MOK: variants seen among roughly 807,000 people sequenced by gnomAD.
The protein encoded by MOK is MOK protein kinase.
Under a neutral mutation model 54.2 loss-of-function variants are expected in MOK, and 59 were observed. The ratio of observed to expected loss-of-function variants is 1.09; its 90% confidence interval spans 0.88 to 1.35. The LOEUF is 1.35. Among genes scored for constraint, MOK ranks in the 40% most tolerant of loss-of-function variants. MOK has a pLI of 0.00. For missense variants in MOK, 517 were observed against 526.2 expected (o/e 0.98, Z 0.17); for synonymous variants, 210 against 202.7 (o/e 1.04, Z -0.31).
intron 1 of MOK, among the ~76,000 whole-genome samples, chr14:102,285,515 G>T (rs2153173982): frequency 6.6e-6 from 1 of 152,306 alleles, no homozygotes; most frequent in East Asian, 1.9e-4. Context: ...AGTGATAACG[G>T]TTATGTCAAA....
chr14:102,268,885 A>G (rs1322414451), intron 2 of MOK, among the ~76,000 whole-genome samples: 1 of 150,820 alleles, frequency 6.6e-6, no homozygotes, highest in Non-Finnish European at 1.5e-5. Context: ...ACTGCACTCC[A>G]GCCTGGGCGA....
downstream of MOK, chr14:102,223,114 G>A: frequency 2.3e-6 from 1 of 429,850 alleles, no homozygotes; most frequent in Non-Finnish European, 4.1e-6. Flanking sequence ...TAAAAAATAA[G>A]AAATGGAGTT....
At chr14:102,288,194 G>A (rs989819301) in intron 1 of MOK, among the ~76,000 whole-genome samples, 2 of 152,130 alleles carry the variant, frequency 1.3e-5, no homozygotes, top group African/African-American at 2.4e-5. Context: ...ATATGCCTAA[G>A]AGAAACAAAA....
At chr14:102,297,155 A>C (rs1441668408) in intron 1 of MOK, among the ~76,000 whole-genome samples, 1 of 152,154 alleles carries the variant, frequency 6.6e-6, no homozygotes, top group Non-Finnish European at 1.5e-5. Context: ...CAGGAGATCA[A>C]GACCATCCTG....
Position 102,232,545 on chromosome 14 carries a change from G to A in MOK, c.856C>T (p.Gln286Ter), listed in dbSNP as rs764047005. Residue 286 changes from glutamine to a stop codon, truncating the protein, a stop_gained, in exon 9 of 12, where the codon CAA becomes TAA. Coordinates refer to ENST00000361847, the MANE Select transcript of MOK (RefSeq NM_014226.3). LOFTEE classifies it high-confidence loss of function. The surrounding 1 kb of genome is among the most constrained non-coding windows in gnomAD (Gnocchi z 5.1). The stretch of plus-strand genomic sequence containing the variant: ...CACGAGAGTGCCTACCTCTGTTCTT[G>A]GAAGTAGGGGTGCTGCAGGGCCTGG... ...AHQALQHPYF[Q>*]EQRKTEKRAL... 1.2e-6 allele frequency: 2 copies of A among 1,613,282 alleles called. No homozygotes were observed. Among genetic ancestry groups the A allele is most frequent in the Admixed American group, 1.7e-5 (1 of 59,966 alleles).
chr14:102,275,421 G>A (rs986129299), intron 2 of MOK, among the ~76,000 whole-genome samples: 5 of 151,980 alleles, frequency 3.3e-5, no homozygotes, highest in East Asian at 1.9e-4. Context: ...AAAATTAGCC[G>A]GGCGTGGTGG....
Position 102,263,545 on chromosome 14 carries a change from C to CCT in MOK, c.282_283dup (p.Gly95GlufsTer36), listed in dbSNP as rs779092256. The CCT allele has an allele frequency of 4.4e-6, 7 of 1,589,448 alleles. No homozygotes were observed. Among genetic ancestry groups the CCT allele is most frequent in the Non-Finnish European group, 6.0e-6 (7 of 1,164,862 alleles). Reference sequence around the variant, plus strand: ...GTTAGCTTTCAAATTATTCTACGTACCTCGTATTAGCTCATAAATATTCAT... The same window carrying CCT: ...GTTAGCTTTCAAATTATTCTACGTACCTCTCGTATTAGCTCATAAATATTCAT... On this transcript the variant is annotated frameshift_variant and splice_region_variant. Coordinates refer to ENST00000361847, the MANE Select transcript of MOK (RefSeq NM_014226.3). LOFTEE classifies it high-confidence loss of function.
chr14:102,265,648 A>T (rs1004318115), intron 3 of MOK, among the ~76,000 whole-genome samples, 175 bp downstream of exon 3: 1 of 152,124 alleles, frequency 6.6e-6, no homozygotes. Flanking sequence ...ATAATAATAA[A>T]AAAAAGAATC....
Position 102,232,544 on chromosome 14 carries a change from T to C in MOK, c.857A>G (p.Gln286Arg), listed in dbSNP as rs1403898066. The stretch of plus-strand genomic sequence containing the variant: ...CCACGAGAGTGCCTACCTCTGTTCT[T>C]GGAAGTAGGGGTGCTGCAGGGCCTG... The part of the protein sequence containing the change: ...AHQALQHPYF[Q>R]EQRKTEKRAL... Residue 286 changes from glutamine to arginine, a missense_variant, in exon 9 of 12, where the codon CAA becomes CGA. Physicochemically the swap from Gln to Arg is conservative, Grantham distance 43 (BLOSUM62 1). Transcript: ENST00000361847. The surrounding 1 kb of genome is among the most constrained non-coding windows in gnomAD (Gnocchi z 5.1). The C allele has an allele frequency of 4.3e-6, 7 of 1,613,006 alleles. No individual in the cohort carries two copies. The East Asian group carries it at 6.7e-5, about 15-fold the overall frequency.
intron 2 of MOK, among the ~76,000 whole-genome samples, chr14:102,274,319 A>T (rs1389675101): frequency 6.9e-6 from 1 of 145,372 alleles, no homozygotes; most frequent in Non-Finnish European, 1.5e-5. Context: ...CAGCTGCATG[A>T]TCTTGGCTCA....
intron 1 of MOK, among the ~76,000 whole-genome samples, chr14:102,297,932 G>A (rs1306791299): frequency 6.6e-6 from 1 of 152,208 alleles, no homozygotes; most frequent in African/African-American, 2.4e-5. Flanking sequence ...CACGAGGCAG[G>A]GCTTCAGACC....
chr14:102,292,595 G>C lies in MOK; in HGVS notation c.8-9003C>G, dbSNP rs182845032. On this transcript the variant is annotated intron_variant, in intron 1 of 11. Coordinates refer to ENST00000361847, the MANE Select transcript of MOK (RefSeq NM_014226.3). Reference sequence around the variant, plus strand: ...CAGGACCGGCCTGGGAAGCTTTCAAGCAGATGTCTTTCTTCCTTCTGTGTG... The same window carrying C: ...CAGGACCGGCCTGGGAAGCTTTCAACCAGATGTCTTTCTTCCTTCTGTGTG... Among the ~76,000 whole-genome samples the C allele has an allele frequency of 2.4e-3, 360 of 152,210 alleles. 4 individuals carry two copies. Among genetic ancestry groups the C allele is most frequent in the African/African-American group, 7.9e-3 (327 of 41,540 alleles).
chr14:102,227,986 G>T (rs577156590), downstream of MOK, among the ~76,000 whole-genome samples: 1 of 152,206 alleles, frequency 6.6e-6, no homozygotes, highest in East Asian at 1.9e-4. Flanking sequence ...AAAAAAGAAA[G>T]AAGACCCAAT....
At chr14:102,251,553 C>A in intron 6 of MOK, 2 of 648,934 alleles carry the variant, frequency 3.1e-6, no homozygotes, top group East Asian at 6.0e-5. Flanking sequence ...CAATTATTTT[C>A]TTCCAGGTGC....
intron 2 of MOK, among the ~76,000 whole-genome samples, chr14:102,271,369 T>C (rs1353687570): frequency 6.6e-6 from 1 of 152,094 alleles, no homozygotes; most frequent in South Asian, 2.1e-4. Context: ...CGAATGATGT[T>C]ATAATAAACA....
chr14:102,258,795 C>T (rs772428521), intron 4 of MOK, among the ~76,000 whole-genome samples: 19 of 152,162 alleles, frequency 1.2e-4, no homozygotes, highest in Admixed American at 3.3e-4. Context: ...AGGCTGGGCG[C>T]GGTGGCTCAC....
chr14:102,274,974 CAAAA>C (rs756843133), intron 2 of MOK, among the ~76,000 whole-genome samples: 1 of 106,956 alleles, frequency 9.3e-6, no homozygotes, highest in African/African-American at 3.0e-5. Flanking sequence ...GACTCTGTCT[CAAAA>C]AAAAAAAAAA....
At chr14:102,281,299 A>C (rs1255917316) in intron 2 of MOK, among the ~76,000 whole-genome samples, 1 of 151,326 alleles carries the variant, frequency 6.6e-6, no homozygotes, top group African/African-American at 2.4e-5. Flanking sequence ...TCTCCAGCCT[A>C]GGTGACAATG....
In MOK at chr14:102,232,571, T is replaced by C. The variant is rs368133453; in HGVS notation, c.830A>G (p.His277Arg). The C allele has an allele frequency of 6.2e-7, 1 of 1,613,916 alleles. No homozygotes were observed. The highest frequency in any genetic ancestry group is 8.5e-7 in the Non-Finnish European group (1 of 1,179,946). ...AYDPDERIAA[H>R]QALQHPYFQE... ...GAAGTAGGGGTGCTGCAGGGCCTGG[T>C]GGGCGGCGATTCTCTCATCGGGATC... is the stretch of plus-strand genomic sequence containing the variant. Residue 277 changes from histidine to arginine, a missense_variant, in exon 9 of 12, where the codon CAC becomes CGC. His to Arg is a conservative substitution (Grantham distance 29). Transcript: ENST00000361847. This position sits in a 1 kb window ranked among gnomAD's most constrained non-coding sequence, Gnocchi z 5.1.
Sources: gnomAD v4.1 joint callset for allele counts (sites outside exome capture counted in the v4.1 genomes callset) on GRCh38, gnomAD v4.1.1 for gene constraint, Gnocchi (gnomAD v3.1) non-coding constraint, MANE v1.5 for transcripts, NCBI Gene and HGNC (gene_info 2026-07-23, HGNC 2026-07-21) for gene names.